The following AGMO variants were observed in gnomAD, a reference collection of about 807,000 sequenced individuals.
The protein encoded by AGMO is glyceryl-ether monooxygenase.
A neutral mutation model predicts 60.2 loss-of-function variants in AGMO; 75 were observed. The observed-to-expected ratio is 1.25, with a 90% CI of 1.03 to 1.51. The LOEUF is 1.51. Ranked by LOEUF, AGMO falls within the 40% of genes most tolerant of loss-of-function variation. The pLI, the probability that AGMO is intolerant of heterozygous loss-of-function variation, is 0.00. For missense variants in AGMO, 763 were observed against 525.5 expected, an observed-to-expected ratio of 1.45 and a Z score of -4.42; for synonymous variants, 261 against 177.1, an observed-to-expected ratio of 1.47 and a Z score of -3.76.
chr7:15,273,224 TCGC>T (rs1783670325), intron 12 of AGMO, among the ~76,000 whole-genome samples: 1 of 152,214 alleles, frequency 6.6e-6, no homozygotes, highest in South Asian at 2.1e-4. Flanking sequence ...CTGAATGGTA[TCGC>T]CTAGCTTTCC....
At chr7:15,468,212 A>C (rs922896077) in intron 3 of AGMO, among the ~76,000 whole-genome samples, 4 of 152,208 alleles carry the variant, frequency 2.6e-5, no homozygotes, top group South Asian at 2.1e-4. Context: ...TAGCTGTTAC[A>C]TCCCTTGTAA....
chr7:15,428,633 T>C (rs761796283), intron 4 of AGMO, among the ~76,000 whole-genome samples: 35 of 152,226 alleles, frequency 2.3e-4, no homozygotes, highest in Middle Eastern at 6.8e-3. Context: ...TGGGCTTCTT[T>C]AAGATTCATA....
chr7:15,363,937 T>G (rs936426018), intron 12 of AGMO, among the ~76,000 whole-genome samples: 1 of 152,080 alleles, frequency 6.6e-6, no homozygotes, highest in Non-Finnish European at 1.5e-5. Context: ...TTATGATTTT[T>G]TTCAGCATGT....
intron 12 of AGMO, among the ~76,000 whole-genome samples, chr7:15,345,587 G>C (rs992765951): frequency 8.5e-5 from 13 of 152,226 alleles, no homozygotes; most frequent in Admixed American, 6.5e-4. Flanking sequence ...CTTAAAGACT[G>C]GGAAAATGTC....
intron 12 of AGMO, among the ~76,000 whole-genome samples, chr7:15,280,750 C>T (rs1783940300): frequency 6.6e-6 from 1 of 152,174 alleles, no homozygotes; most frequent in Non-Finnish European, 1.5e-5. Flanking sequence ...TATGTGACCT[C>T]AGCCATCACC....
intron 12 of AGMO, among the ~76,000 whole-genome samples, chr7:15,308,746 A>C (rs559006113): frequency 6.6e-6 from 1 of 152,272 alleles, no homozygotes; most frequent in African/African-American, 2.4e-5. Context: ...TATAACAACT[A>C]ATGTGTTATG....
At chr7:15,310,122 T>G (rs913648927) in intron 12 of AGMO, among the ~76,000 whole-genome samples, 5 of 152,140 alleles carry the variant, frequency 3.3e-5, no homozygotes, top group African/African-American at 1.2e-4. Flanking sequence ...AGCAAACACA[T>G]AGCAGTGAGG....
At chr7:15,551,254 G>C (rs1317540686) in intron 2 of AGMO, among the ~76,000 whole-genome samples, 1 of 152,068 alleles carries the variant, frequency 6.6e-6, no homozygotes, top group African/African-American at 2.4e-5. Context: ...TTGAAAACTG[G>C]CATAAGATAG....
intron 12 of AGMO, among the ~76,000 whole-genome samples, chr7:15,226,166 G>A (rs1415527682): frequency 6.6e-6 from 1 of 151,898 alleles, no homozygotes; most frequent in East Asian, 1.9e-4. Context: ...TGAGCTTGGA[G>A]GATTTCCAAA....
At chr7:15,173,681 G>C in the AGMO span, among the ~76,000 whole-genome samples, 2 of 151,880 alleles carry the variant, frequency 1.3e-5, no homozygotes, top group African/African-American at 4.8e-5. Context: ...CTATTAATAT[G>C]GTTAATAGAA....
intron 12 of AGMO, among the ~76,000 whole-genome samples, chr7:15,338,431 TTC>T (rs1010878604): frequency 6.7e-6 from 1 of 150,106 alleles, no homozygotes; most frequent in Non-Finnish European, 1.5e-5. Flanking sequence ...GCAGATAAGT[TTC>T]TGTTTTTGAG....
At chr7:15,287,372 G>C (rs114177491) in intron 12 of AGMO, among the ~76,000 whole-genome samples, 2,120 of 151,912 alleles carry the variant, frequency 0.014, 45 homozygotes, top group African/African-American at 0.05. Flanking sequence ...TATTTTCTTT[G>C]CCACCGATAT....
At chr7:15,328,929 T>A (rs967302251) in intron 12 of AGMO, among the ~76,000 whole-genome samples, 1 of 152,148 alleles carries the variant, frequency 6.6e-6, no homozygotes, top group African/African-American at 2.4e-5. Flanking sequence ...CTTGGAAGCA[T>A]CCTTGCCCTC....
chr7:15,332,177 C>A (rs1484253990), intron 12 of AGMO, among the ~76,000 whole-genome samples: 1 of 152,060 alleles, frequency 6.6e-6, no homozygotes, highest in Non-Finnish European at 1.5e-5. Flanking sequence ...TCGTGTTAAG[C>A]CAGTAATACT....
At chr7:15,506,012 A>G (rs1163674225) in intron 3 of AGMO, among the ~76,000 whole-genome samples, 1 of 152,072 alleles carries the variant, frequency 6.6e-6, no homozygotes, top group African/African-American at 2.4e-5. Context: ...GAACCAGAAA[A>G]TACAATTTTG....
At chr7:15,488,534 T>C (rs1016398717) in intron 3 of AGMO, among the ~76,000 whole-genome samples, 2 of 152,164 alleles carry the variant, frequency 1.3e-5, no homozygotes, top group African/African-American at 4.8e-5. Flanking sequence ...GCATATAACA[T>C]AAACCTCATT....
chr7:15,303,447 G>C (rs972156091), intron 12 of AGMO, among the ~76,000 whole-genome samples: 3 of 142,094 alleles, frequency 2.1e-5, no homozygotes, highest in Non-Finnish European at 3.1e-5. Flanking sequence ...AAAAAAAAAA[G>C]AGAGAGAAGG....
chr7:15,352,238 T>G (rs1583442446), intron 12 of AGMO, among the ~76,000 whole-genome samples: 1 of 152,288 alleles, frequency 6.6e-6, no homozygotes, highest in African/African-American at 2.4e-5. Context: ...CAAATTTAAC[T>G]TCACTTTCAA....
chr7:15,529,108 A>C (rs767652601), intron 3 of AGMO, among the ~76,000 whole-genome samples: 4 of 152,112 alleles, frequency 2.6e-5, no homozygotes, highest in Non-Finnish European at 5.9e-5. Flanking sequence ...TCTCAGCTTA[A>C]TTGGGGGAAT....
Sources: gnomAD v4.1 joint callset for allele counts (sites outside exome capture counted in the v4.1 genomes callset) on GRCh38, gnomAD v4.1.1 for gene constraint, MANE v1.5 for transcripts, NCBI Gene and HGNC (gene_info 2026-07-23, HGNC 2026-07-21) for gene names.